Variants in ARPP21 observed in about 807,000 individuals in gnomAD.
ARPP21 encodes the protein cAMP-regulated phosphoprotein 21.
ARPP21 carries 69 observed loss-of-function variants against 113.2 expected under a neutral mutation model. The ratio of observed to expected loss-of-function variants is 0.61; its 90% CI spans 0.50 to 0.74. ARPP21 has a LOEUF of 0.74. ARPP21 is among the 30% of genes least tolerant of loss of function. The probability of loss-of-function intolerance (pLI) is 0.00; values close to 1 mark genes in which losing one functional copy is unlikely to be tolerated. For missense variants in ARPP21, 1,070 were observed against 1,037.4 expected (o/e 1.03, Z -0.43); for synonymous variants, 368 against 375.5 (o/e 0.98, Z 0.23).
At chr3:35,724,589 C>A (rs1401851290) in intron 14 of ARPP21, among the ~76,000 whole-genome samples, 3 of 152,180 alleles carry the variant, frequency 2.0e-5, no homozygotes, top group African/African-American at 7.2e-5. Context: ...ATGCTCCTTG[C>A]CTGGGAACCA....
intron 1 of ARPP21, chr3:35,641,548 G>T (rs1698087054): frequency 1.3e-5 from 2 of 152,136 alleles, no homozygotes; most frequent in South Asian, 4.1e-4. Flanking sequence ...TTTCATGAAA[G>T]ACAGTCATTT....
chr3:35,667,994 A>AAGG (rs2075183481), intron 1 of ARPP21, among the ~76,000 whole-genome samples: 1 of 149,382 alleles, frequency 6.7e-6, no homozygotes. Flanking sequence ...GAAGAAGAAG[A>AAGG]AGAAGAAGAA....
intron 2 of ARPP21, 80 bp downstream of exon 2, chr3:35,680,040 C>A (rs1389898558): frequency 6.6e-6 from 1 of 152,308 alleles, no homozygotes; most frequent in Non-Finnish European, 1.5e-5. Flanking sequence ...TTGCATCCAG[C>A]AGTTCACTGA....
At chr3:35,743,674 C>G (rs1294983599) in intron 18 of ARPP21, among the ~76,000 whole-genome samples, 165 bp from the exon 19 acceptor site, 1 of 152,226 alleles carries the variant, frequency 6.6e-6, no homozygotes, top group African/African-American at 2.4e-5. Context: ...TGGATTTTGC[C>G]TCTTTACGGG....
At chr3:35,679,156 A>C (rs1173342141) in intron 1 of ARPP21, among the ~76,000 whole-genome samples, 1 of 151,918 alleles carries the variant, frequency 6.6e-6, no homozygotes, top group Non-Finnish European at 1.5e-5. Flanking sequence ...AGGGAGGGCT[A>C]TGGATAGATT....
At chr3:35,657,085 C>T (rs960670416) in intron 1 of ARPP21, among the ~76,000 whole-genome samples, 2 of 152,032 alleles carry the variant, frequency 1.3e-5, no homozygotes. Context: ...TGGTACCCTT[C>T]CCCTATTTTC....
At chr3:35,694,972 GT>G (rs2083415817) in intron 9 of ARPP21, among the ~76,000 whole-genome samples, 1 of 146,230 alleles carries the variant, frequency 6.8e-6, no homozygotes, top group African/African-American at 2.5e-5. Flanking sequence ...TATATATAAA[GT>G]TTAAATAAAT....
rs1410238157 is a variant in ARPP21 at position 35,640,317 on chromosome 3, C to A, written c.-294C>A. 1.3e-5 allele frequency: 2 copies of A among 152,166 alleles called. No individual in the cohort carries two copies. Among genetic ancestry groups the A allele is most frequent in the East Asian group, 3.9e-4 (2 of 5,194 alleles). 9.4% of individuals were successfully genotyped at this position (152,166 alleles called of 1,614,324 possible). ...TCCAGCCAAATCAATCATTGAGAAA[C>A]AATAATATTAATAAAATCCAAAACT... is the stretch of plus-strand genomic sequence containing the variant. On this transcript the variant is annotated 5_prime_UTR_variant, in exon 1 of 21. Coordinates refer to ENST00000684406, the MANE Select transcript of ARPP21 (RefSeq NM_001385562.1).
chr3:35,752,076 G>A (rs1012924983), intron 19 of ARPP21, among the ~76,000 whole-genome samples: 31 of 152,234 alleles, frequency 2.0e-4, no homozygotes, highest in African/African-American at 6.7e-4. Flanking sequence ...CCTCTTGTTT[G>A]TTGAGCTAAT....
chr3:35,739,399 C>T lies in ARPP21; in HGVS notation c.1832C>T (p.Pro611Leu). Residue 611 changes from proline (P) to leucine (L), a missense_variant, in exon 18 of 21, where the codon CCT becomes CTT. Coordinates refer to ENST00000684406, the MANE Select transcript of ARPP21 (RefSeq NM_001385562.1). The part of the protein sequence containing the change: ...SGETPEPPSG[P>L]VYPSSLMPQP... Reference sequence around the variant, plus strand: ...GAGACTCCTGAACCCCCATCAGGTCCTGTCTACCCATCCTCCCTTATGCCA... The same window carrying T: ...GAGACTCCTGAACCCCCATCAGGTCTTGTCTACCCATCCTCCCTTATGCCA... 1 of 1,614,176 alleles carries T rather than the reference C, an allele frequency of 6.2e-7. No individual in the cohort carries two copies. Among genetic ancestry groups the T allele is most frequent in the Non-Finnish European group, 8.5e-7 (1 of 1,180,034 alleles).
intron 18 of ARPP21, among the ~76,000 whole-genome samples, chr3:35,739,809 G>A (rs879658119): frequency 8.5e-5 from 13 of 152,066 alleles, no homozygotes; most frequent in Non-Finnish European, 1.3e-4. Flanking sequence ...AAACAACAGG[G>A]GAATATCCCA....
At chr3:35,703,913 A>G (rs1265391883) in intron 9 of ARPP21, among the ~76,000 whole-genome samples, 3 of 151,910 alleles carry the variant, frequency 2.0e-5, no homozygotes, top group Non-Finnish European at 4.4e-5. Flanking sequence ...TTTCAAAGCT[A>G]TAATATAATG....
Position 35,681,711 on chromosome 3 carries a change from T to C in ARPP21, c.-38-3T>C, listed in dbSNP as rs1183323021. On this transcript the variant is annotated splice_polypyrimidine_tract_variant and splice_region_variant and intron_variant, in intron 2 of 20. Coordinates refer to ENST00000684406, the MANE Select transcript of ARPP21 (RefSeq NM_001385562.1). The stretch of plus-strand genomic sequence containing the variant: ...TTTATTTTCTGATATCTTAACCTTC[T>C]AGGGCATAAAATCTTGTTATTTTAA... 6.4e-7 allele frequency: 1 copy of C among 1,560,032 alleles called. No homozygotes were observed. The highest frequency in any genetic ancestry group is 1.1e-5 in the South Asian group (1 of 88,766).
rs778418344 is a variant in ARPP21, at chr3:35,743,932, A to T, written c.2104A>T (p.Ser702Cys). ...CCCGGTTCAGTACAACGCTCAGAGG[A>T]GTCAACAGATGCCACAGGCAGCACA... ...MAPVQYNAQRSQQMPQAAQQA... is the reference protein window; with the variant it reads ...MAPVQYNAQRCQQMPQAAQQA... The change falls in exon 19 of 21, where the codon AGT becomes TGT. Residue 702 changes from serine to cysteine, a missense_variant. Coordinates refer to ENST00000684406, the MANE Select transcript of ARPP21 (RefSeq NM_001385562.1). 14 of 1,614,030 alleles carry T rather than the reference A, an allele frequency of 8.7e-6. No individual in the cohort carries two copies. The Admixed American group carries it at 1.2e-4, about 13-fold the overall frequency.
intron 19 of ARPP21, among the ~76,000 whole-genome samples, chr3:35,780,050 A>G (rs1389645425): frequency 6.6e-6 from 1 of 152,180 alleles, no homozygotes; most frequent in African/African-American, 2.4e-5. Flanking sequence ...ATAATGATAA[A>G]TCATTCCCCC....
intron 16 of ARPP21, 76 bp from the exon 17 acceptor site, chr3:35,738,138 G>A: frequency 2.2e-6 from 2 of 909,940 alleles, no homozygotes; most frequent in East Asian, 2.6e-5. Flanking sequence ...AGCCTATGAA[G>A]GACAGTGGTG....
chr3:35,782,210 C>T (rs975043465), intron 19 of ARPP21, among the ~76,000 whole-genome samples: 2 of 152,068 alleles, frequency 1.3e-5, no homozygotes, highest in Non-Finnish European at 2.9e-5. Flanking sequence ...GTTGATTGTC[C>T]ATTTTAGTAA....
At chr3:35,671,282 A>G (rs1171609512) in intron 1 of ARPP21, among the ~76,000 whole-genome samples, 2 of 152,166 alleles carry the variant, frequency 1.3e-5, no homozygotes, top group Non-Finnish European at 2.9e-5. Flanking sequence ...ACACACTGAA[A>G]GATATTTAAC....
In ARPP21 at chr3:35,739,399, C is replaced by G. The variant is rs1161543736; in HGVS notation, c.1832C>G (p.Pro611Arg). 2 of 1,614,058 alleles carry G rather than the reference C, an allele frequency of 1.2e-6. No homozygotes were observed. Among genetic ancestry groups the G allele is most frequent in the Admixed American group, 3.3e-5 (2 of 60,012 alleles). The change falls in exon 18 of 21, where the codon CCT becomes CGT. Residue 611 changes from proline (P) to arginine (R), a missense_variant. Pro to Arg is a moderately radical substitution (Grantham distance 103). Coordinates refer to ENST00000684406, the MANE Select transcript of ARPP21 (RefSeq NM_001385562.1). ...GAGACTCCTGAACCCCCATCAGGTC[C>G]TGTCTACCCATCCTCCCTTATGCCA... ...SGETPEPPSG[P>R]VYPSSLMPQP...
Sources: allele counts gnomAD v4.1 joint callset (sites outside exome capture counted in the v4.1 genomes callset), GRCh38; gene constraint gnomAD v4.1.1; transcripts MANE v1.5; gene names NCBI Gene and HGNC (gene_info 2026-07-23, HGNC 2026-07-21).